NBEA: variants seen among roughly 807,000 people sequenced by gnomAD.
NBEA encodes the protein neurobeachin.
A neutral mutation model predicts 343.4 loss-of-function variants in NBEA; 44 were observed. That is an observed-to-expected ratio of 0.13 (90% CI 0.10 to 0.16). NBEA has a LOEUF of 0.16. NBEA is among the 10% of genes least tolerant of loss of function. NBEA has a pLI of 1.00. For synonymous variants in NBEA, 1,175 were observed against 1,238.7 expected (o/e 0.95, Z 1.08); for missense variants, 2,555 against 3,631.3 (o/e 0.70, Z 7.62).
At chr13:35,643,317 C>T (rs2084059638) in intron 49 of NBEA, among the ~76,000 whole-genome samples, 1 of 152,090 alleles carries the variant, frequency 6.6e-6, no homozygotes, top group Non-Finnish European at 1.5e-5. Context: ...CTGCTCCCTA[C>T]CATGTGCACT....
At chr13:35,346,646 C>A (rs975115386) in intron 36 of NBEA, among the ~76,000 whole-genome samples, 1 of 152,090 alleles carries the variant, frequency 6.6e-6, no homozygotes, top group African/African-American at 2.4e-5. Flanking sequence ...TAGAATGTGT[C>A]TATGTCCCCC....
chr13:34,988,302 C>T (rs904303916), intron 1 of NBEA, among the ~76,000 whole-genome samples: 2 of 150,978 alleles, frequency 1.3e-5, no homozygotes, highest in African/African-American at 4.8e-5. Context: ...AAACACCATG[C>T]TGGGAGAACC....
intron 38 of NBEA, among the ~76,000 whole-genome samples, chr13:35,415,394 T>C (rs1259300365): frequency 2.0e-5 from 3 of 152,230 alleles, no homozygotes; most frequent in African/African-American, 7.2e-5. Flanking sequence ...TTAATCCATC[T>C]TGAATTAATT....
chr13:35,142,795 G>A (rs566756003), intron 18 of NBEA, among the ~76,000 whole-genome samples: 2 of 152,048 alleles, frequency 1.3e-5, no homozygotes, highest in South Asian at 4.1e-4. Context: ...GATAAATTTC[G>A]GTAAGAATTA....
In NBEA at chr13:35,081,534, T is replaced by G. The variant is rs191560348; in HGVS notation, c.1571+10682T>G. ...GGCTTTCAAGATGGGCAAGCTTTTT[T>G]TTTTTAAGTGCTTATCTCCATTTTG... On this transcript the variant is annotated intron_variant, in intron 10 of 58. Coordinates refer to ENST00000379939, the MANE Select transcript of NBEA (RefSeq NM_001385012.1). Among the ~76,000 whole-genome samples, 26 of 152,232 alleles carry G rather than the reference T, an allele frequency of 1.7e-4. No individual in the cohort carries two copies. The East Asian group carries it at 3.3e-3, about 19-fold the overall frequency.
chr13:34,973,037 C>T (rs901869843), intron 1 of NBEA, among the ~76,000 whole-genome samples: 1 of 152,002 alleles, frequency 6.6e-6, no homozygotes, highest in African/African-American at 2.4e-5. Context: ...AGTCTGGCTG[C>T]TTTTCCACAG....
At chr13:35,269,216 A>G (rs2033936178) in intron 34 of NBEA, among the ~76,000 whole-genome samples, 2 of 152,180 alleles carry the variant, frequency 1.3e-5, no homozygotes, top group Admixed American at 6.5e-5. Context: ...TCATCTGTAT[A>G]TTAAACATTG....
At position 35,541,030 on chromosome 13, in the gene NBEA, GCT is replaced by G. The variant is rs1362983271; in HGVS notation, c.6586-9443_6586-9442del. Among the ~76,000 whole-genome samples the G allele has an allele frequency of 2.0e-5, 3 of 152,114 alleles. 1 individual carries two copies. The highest frequency in any genetic ancestry group is 2.0e-4 in the Admixed American group (3 of 15,264). ...TTTCTTTGTTAAAAATCTTATAGCA[GCT>G]CTCCATTATTCTCAGACCAGAGTCC... On this transcript the variant is annotated intron_variant, in intron 41 of 58. Coordinates refer to ENST00000379939, the MANE Select transcript of NBEA (RefSeq NM_001385012.1).
intron 47 of NBEA, among the ~76,000 whole-genome samples, chr13:35,603,454 T>C (rs1298267402): frequency 3.3e-5 from 5 of 152,200 alleles, no homozygotes; most frequent in African/African-American, 1.2e-4. Flanking sequence ...TCTAATTTAA[T>C]GACTTTCAGT....
chr13:35,432,493 T>G (rs1466553536), intron 39 of NBEA, 100 bp downstream of exon 39: 1 of 1,093,576 alleles, frequency 9.1e-7, no homozygotes, highest in African/African-American at 1.6e-5. Context: ...TTTAATGTTC[T>G]CCATGTCTTG....
At chr13:35,140,843 T>C (rs988129631) in intron 17 of NBEA, among the ~76,000 whole-genome samples, 1 of 152,206 alleles carries the variant, frequency 6.6e-6, no homozygotes, top group African/African-American at 2.4e-5. Flanking sequence ...GTTTATTTCA[T>C]GTTCACTTAA....
chr13:35,005,041 A>G (rs2061270353), intron 1 of NBEA, among the ~76,000 whole-genome samples: 1 of 152,152 alleles, frequency 6.6e-6, no homozygotes, highest in Non-Finnish European at 1.5e-5. Context: ...ACTGATTATC[A>G]ACTATGTGCC....
At chr13:35,347,537 T>TA (rs961116583) in intron 36 of NBEA, among the ~76,000 whole-genome samples, 4 of 151,692 alleles carry the variant, frequency 2.6e-5, no homozygotes, top group Admixed American at 1.3e-4. Flanking sequence ...TAAATATTAT[T>TA]TTTTTTAATA....
chr13:35,266,616 G>A (rs547906909), intron 34 of NBEA, among the ~76,000 whole-genome samples: 9 of 151,704 alleles, frequency 5.9e-5, no homozygotes, highest in Non-Finnish European at 1.0e-4. Context: ...TCTCACTCAC[G>A]TGTGGAATAT....
chr13:35,422,847 G>C (rs1329250044), intron 38 of NBEA, among the ~76,000 whole-genome samples: 1 of 152,114 alleles, frequency 6.6e-6, no homozygotes, highest in Non-Finnish European at 1.5e-5. Context: ...ATTCTAACTG[G>C]TGTGAAATGG....
chr13:35,370,038 A>G (rs1279248973), intron 38 of NBEA, among the ~76,000 whole-genome samples: 4 of 151,802 alleles, frequency 2.6e-5, no homozygotes, highest in Admixed American at 2.6e-4. Context: ...TGTCTGTTAG[A>G]CCCATTTGGT....
chr13:35,359,912 T>C (rs912684283), intron 38 of NBEA, among the ~76,000 whole-genome samples: 1 of 151,904 alleles, frequency 6.6e-6, no homozygotes, highest in African/African-American at 2.4e-5. Flanking sequence ...ATTGTTTAGT[T>C]TTCTGGTAAG....
intron 1 of NBEA, among the ~76,000 whole-genome samples, chr13:35,023,190 C>G (rs1284057518): frequency 6.6e-6 from 1 of 151,998 alleles, no homozygotes; most frequent in Non-Finnish European, 1.5e-5. Flanking sequence ...GTGGCTTACA[C>G]TATTCTTATT....
intron 38 of NBEA, among the ~76,000 whole-genome samples, chr13:35,364,256 A>G (rs770245566): frequency 3.3e-5 from 5 of 151,774 alleles, no homozygotes; most frequent in Non-Finnish European, 5.9e-5. Flanking sequence ...CATATACACA[A>G]ATAGTCTATC....
Sources: allele counts gnomAD v4.1 joint callset (sites outside exome capture counted in the v4.1 genomes callset), GRCh38; gene constraint gnomAD v4.1.1; transcripts MANE v1.5; gene names NCBI Gene and HGNC (gene_info 2026-07-23, HGNC 2026-07-21).